Variants in RBFOX1 observed in about 807,000 individuals in gnomAD.
The protein encoded by RBFOX1 is RNA binding fox-1 homolog 1.
RBFOX1 carries 8 observed loss-of-function variants against 57.7 expected under a neutral mutation model. The ratio of observed to expected loss-of-function variants is 0.14; its 90% CI spans 0.08 to 0.25. The LOEUF is 0.25. Ranked by LOEUF, RBFOX1 falls within the 10% of genes least tolerant of loss-of-function variation. The pLI, the probability that RBFOX1 is intolerant of heterozygous loss-of-function variation, is 1.00. For missense variants in RBFOX1, 611 were observed against 548.5 expected, an observed-to-expected ratio of 1.11 and a Z score of -1.14; for synonymous variants, 326 against 222.4, an observed-to-expected ratio of 1.47 and a Z score of -4.15.
intron 4 of RBFOX1, among the ~76,000 whole-genome samples, chr16:7,359,921 TTGCAGTGAGCCGAGATCGCGCCAC>T (rs1258843194): frequency 6.6e-6 from 1 of 151,884 alleles, no homozygotes; most frequent in African/African-American, 2.4e-5. Flanking sequence ...GAGGCGGAGC[TTGCAGTGAGCCGAGATCGCGCCAC>T]TGCACTCCAG....
chr16:7,348,800 G>T (rs147904926), intron 4 of RBFOX1, among the ~76,000 whole-genome samples: 5 of 152,134 alleles, frequency 3.3e-5, no homozygotes. Flanking sequence ...AAATTAGCCA[G>T]GGGTGGTGGC....
At chr16:6,170,620 G>T (rs2096953179) in intron 1 of RBFOX1, among the ~76,000 whole-genome samples, 1 of 152,040 alleles carries the variant, frequency 6.6e-6, no homozygotes, top group African/African-American at 2.4e-5. Context: ...TAGGCTCAGG[G>T]GTGCATAAGC....
At chr16:7,281,774 A>G (rs1304955078) in intron 4 of RBFOX1, among the ~76,000 whole-genome samples, 1 of 152,102 alleles carries the variant, frequency 6.6e-6, no homozygotes, top group East Asian at 1.9e-4. Flanking sequence ...TGAATCCAGG[A>G]GACAATCTTG....
chr16:7,633,458 T>C (rs1181789755), intron 11 of RBFOX1, among the ~76,000 whole-genome samples: 2 of 152,224 alleles, frequency 1.3e-5, no homozygotes, highest in Non-Finnish European at 2.9e-5. Flanking sequence ...TGTTTCATTA[T>C]ATTATATTTT....
intron 4 of RBFOX1, among the ~76,000 whole-genome samples, chr16:7,223,173 A>G (rs1033837718): frequency 1.3e-5 from 2 of 152,236 alleles, no homozygotes; most frequent in African/African-American, 4.8e-5. Context: ...ACCAGCCAGG[A>G]CAACAAAGGT....
chr16:5,902,625 A>C (rs902817623), intron 4 of RBFOX1, among the ~76,000 whole-genome samples: 5 of 152,108 alleles, frequency 3.3e-5, no homozygotes, highest in African/African-American at 4.8e-5. Flanking sequence ...TATGTTAGCC[A>C]GGCTGGTCTC....
chr16:5,798,910 C>A (rs2054968671), intron 3 of RBFOX1, among the ~76,000 whole-genome samples: 1 of 151,864 alleles, frequency 6.6e-6, no homozygotes. Context: ...TCAGACAGGC[C>A]CAATTCAGCT....
intron 3 of RBFOX1, among the ~76,000 whole-genome samples, chr16:5,775,655 A>C (rs973969277): frequency 2.0e-5 from 3 of 152,180 alleles, no homozygotes; most frequent in Admixed American, 6.5e-5. Context: ...CCTCAGTGCC[A>C]CTTCAGGGCT....
chr16:7,341,755 CTT>C (rs2096897762), intron 4 of RBFOX1, among the ~76,000 whole-genome samples: 9 of 115,648 alleles, frequency 7.8e-5, no homozygotes, highest in African/African-American at 3.0e-4. Flanking sequence ...TCCCTCCCTC[CTT>C]CCCTCCTTCC....
chr16:6,988,751 GT>G (rs1491218767), intron 3 of RBFOX1, among the ~76,000 whole-genome samples: 5 of 54,710 alleles, frequency 9.1e-5, no homozygotes, highest in African/African-American at 2.3e-4. Flanking sequence ...TTGTTTGTTT[GT>G]TTTTTGTTTT....
intron 1 of RBFOX1, among the ~76,000 whole-genome samples, chr16:6,096,063 C>G (rs1386880371): frequency 6.6e-6 from 1 of 152,240 alleles, no homozygotes; most frequent in Non-Finnish European, 1.5e-5. Context: ...TCATGTGTCA[C>G]TTTGCCTTTG....
At chr16:6,634,676 A>G (rs1005797609) in intron 2 of RBFOX1, among the ~76,000 whole-genome samples, 1 of 57,024 alleles carries the variant, frequency 1.8e-5, no homozygotes, top group African/African-American at 4.2e-5. Context: ...ATATGTAAAT[A>G]TGTACATATA....
chr16:7,149,690 G>A (rs1157956233), intron 4 of RBFOX1, among the ~76,000 whole-genome samples: 4 of 151,272 alleles, frequency 2.6e-5, no homozygotes, highest in Non-Finnish European at 4.4e-5. Context: ...AGGATTACAG[G>A]CATGAGCCAC....
intron 4 of RBFOX1, among the ~76,000 whole-genome samples, chr16:7,109,601 C>T (rs1184413394): frequency 3.9e-5 from 6 of 152,124 alleles, no homozygotes; most frequent in African/African-American, 1.4e-4. Flanking sequence ...ACCCAGGGAT[C>T]ACAAGCCCAG....
At chr16:5,968,935 C>A (rs2059905675) in intron 4 of RBFOX1, among the ~76,000 whole-genome samples, 1 of 152,006 alleles carries the variant, frequency 6.6e-6, no homozygotes, top group African/African-American at 2.4e-5. Flanking sequence ...TAAAATTCAC[C>A]TTTGCTGAGA....
intron 3 of RBFOX1, among the ~76,000 whole-genome samples, chr16:5,674,673 C>T (rs1435368932): frequency 6.6e-6 from 1 of 152,158 alleles, no homozygotes; most frequent in African/African-American, 2.4e-5. Context: ...TTTGCACCAA[C>T]CTAATACGTG....
chr16:6,118,361 T>A (rs1006996834), intron 1 of RBFOX1, among the ~76,000 whole-genome samples: 2 of 152,210 alleles, frequency 1.3e-5, no homozygotes, highest in Non-Finnish European at 2.9e-5. Context: ...AAAAGAAATT[T>A]ATTTCTTATA....
chr16:5,395,904 A>G lies in RBFOX1; in HGVS notation c.220-71312A>G, dbSNP rs191381781. 1.8e-3 allele frequency among the ~76,000 whole-genome samples: 269 copies of G among 152,332 alleles called. 1 individual carries two copies. Among genetic ancestry groups the G allele is most frequent in the African/African-American group, 6.2e-3 (256 of 41,574 alleles). On this transcript the variant is annotated intron_variant, in intron 1 of 2. Coordinates refer to the RBFOX1 transcript ENST00000585867. ...AAGAAACTGAAGCCGTTGGTCCTGC[A>G]GCCACCAGGAAATAAATTTTGCTGA...
intron 2 of RBFOX1, among the ~76,000 whole-genome samples, chr16:6,468,930 C>G (rs898225654): frequency 6.6e-6 from 1 of 152,032 alleles, no homozygotes. Context: ...TTTCTTCATC[C>G]TCTCCCTCCT....
Sources: allele counts gnomAD v4.1 joint callset (sites outside exome capture counted in the v4.1 genomes callset), GRCh38; gene constraint gnomAD v4.1.1; transcripts MANE v1.5; gene names NCBI Gene and HGNC (gene_info 2026-07-23, HGNC 2026-07-21).